The following RAPH1 variants were observed in gnomAD, a reference collection of about 807,000 sequenced individuals.
The protein encoded by RAPH1 is Ras association (RalGDS/AF-6) and pleckstrin homology domains 1, also known as ras-associated and pleckstrin homology domains-containing protein 1.
RAPH1 carries 18 observed loss-of-function variants against 88.1 expected under a neutral mutation model. The observed-to-expected ratio is 0.20, with a 90% CI of 0.14 to 0.30. RAPH1 has a LOEUF of 0.30. Among genes scored for constraint, RAPH1 ranks in the 10% least tolerant of loss-of-function variants. The pLI is 1.00. For synonymous variants in RAPH1, 587 were observed against 559.0 expected (o/e 1.05, Z -0.71); for missense variants, 1,448 against 1,543.2 (o/e 0.94, Z 1.03).
Position 203,438,090 on chromosome 2 carries a change from C to T in RAPH1, c.*1347G>A, listed in dbSNP as rs773067346. The T allele has an allele frequency of 7.8e-6, 4 of 514,756 alleles. No homozygotes were observed. Among genetic ancestry groups the T allele is most frequent in the South Asian group, 2.8e-5 (2 of 70,282 alleles). The allele number at this position is 514,756 out of a possible 1,614,324, so 31.9% of individuals were successfully genotyped here. ...TATACCAAACTGCACACGCATAAAA[C>T]GTAATGTCAGTTACTGGACTTGGAC... On this transcript the variant is annotated 3_prime_UTR_variant, in exon 14 of 14. Coordinates refer to ENST00000319170, the MANE Select transcript of RAPH1 (RefSeq NM_213589.3).
intron 4 of RAPH1, among the ~76,000 whole-genome samples, chr2:203,486,312 T>C (rs1403851910): frequency 2.6e-5 from 4 of 152,096 alleles, no homozygotes; most frequent in Admixed American, 6.5e-5. Context: ...CACAAGAGTA[T>C]ATGGAGGTTA....
At chr2:203,442,108 T>C (rs1315643988) in intron 13 of RAPH1, 7 of 1,582,658 alleles carry the variant, frequency 4.4e-6, no homozygotes, top group Non-Finnish European at 6.0e-6. Context: ...AAATGCTTTG[T>C]AAACATTATA....
At chr2:203,493,993 AAAAAAG>A in intron 2 of RAPH1, among the ~76,000 whole-genome samples, 1 of 150,010 alleles carries the variant, frequency 6.7e-6, no homozygotes, top group African/African-American at 2.4e-5. Flanking sequence ...AAAAAAAAAA[AAAAAAG>A]AAAAAAGAAA....
rs2098499623 is a variant in RAPH1, at chr2:203,437,714, TAC to T, written c.*1721_*1722del. On this transcript the variant is annotated 3_prime_UTR_variant, in exon 14 of 14. Coordinates refer to ENST00000319170, the MANE Select transcript of RAPH1 (RefSeq NM_213589.3). ...TGTGGGTTATGCAAGACCTTGAGTA[TAC>T]TGTACTAATTAAGCACTTTTGCTCA... 5.8e-6 allele frequency: 1 copy of T among 171,080 alleles called. No individual in the cohort carries two copies. The highest frequency in any genetic ancestry group is 6.2e-5 in the Admixed American group (1 of 16,234). The allele number at this position is 171,080 out of a possible 1,614,324, so 10.6% of individuals were successfully genotyped here.
chr2:203,496,118 G>T (rs1357126668), intron 1 of RAPH1, among the ~76,000 whole-genome samples: 1 of 152,224 alleles, frequency 6.6e-6, no homozygotes, highest in Non-Finnish European at 1.5e-5. Flanking sequence ...AGCACTTTGG[G>T]AGGCCGAGGC....
In RAPH1 at chr2:203,501,541, G is replaced by A. The variant is rs1210038566; in HGVS notation, c.1-6188C>T. ...TAGCAACTTTGGGAGGCCAAGGCGG[G>A]CAGACTGCTTGAGCCCAGGAGTTTG... On this transcript the variant is annotated intron_variant, in intron 1 of 13. Coordinates refer to ENST00000319170, the MANE Select transcript of RAPH1 (RefSeq NM_213589.3). Among the ~76,000 whole-genome samples, 6 of 152,198 alleles carry A rather than the reference G, an allele frequency of 3.9e-5. No individual in the cohort carries two copies. In the East Asian group the frequency reaches 1.2e-3, roughly 29 times the overall value.
intron 7 of RAPH1, among the ~76,000 whole-genome samples, chr2:203,458,770 C>T (rs1039773647): frequency 6.8e-6 from 1 of 146,426 alleles, no homozygotes. Flanking sequence ...TTCTTTTTCT[C>T]TTTTTTTTTT....
intron 2 of RAPH1, 42 bp downstream of exon 2, chr2:203,495,192 G>T (rs1559486279): frequency 6.2e-7 from 1 of 1,610,440 alleles, no homozygotes; most frequent in East Asian, 2.2e-5. Context: ...TTAACACAAT[G>T]GTGACTTCAA....
At chr2:203,518,539 C>A (rs77586121) in intron 1 of RAPH1, among the ~76,000 whole-genome samples, 6 of 146,636 alleles carry the variant, frequency 4.1e-5, no homozygotes, top group East Asian at 2.0e-4. Flanking sequence ...AACAAAAAAA[C>A]AAAAAAAAAA....
intron 1 of RAPH1, among the ~76,000 whole-genome samples, chr2:203,500,283 T>C (rs114576303): frequency 6.6e-6 from 1 of 152,102 alleles, no homozygotes; most frequent in African/African-American, 2.4e-5. Flanking sequence ...AGAGTGAATA[T>C]GTAAGAGAAA....
Position 203,436,409 on chromosome 2 carries a change from G to C in RAPH1, c.*3028C>G, listed in dbSNP as rs965868561. 2 of 152,168 alleles carry C rather than the reference G, an allele frequency of 1.3e-5. No individual in the cohort carries two copies. The highest frequency in any genetic ancestry group is 2.9e-5 in the Non-Finnish European group (2 of 68,040). 9.4% of individuals were successfully genotyped at this position (152,168 alleles called of 1,614,324 possible). A position where few individuals can be genotyped will look rare whatever the true frequency, so the allele number is the denominator to read the frequency against. ...AATTACAGCGTCTAAGGGGGGGAAA[G>C]AAAGCATCTGAGCAGTAAAAGTCAA... is the stretch of plus-strand genomic sequence containing the variant. On this transcript the variant is annotated 3_prime_UTR_variant, in exon 14 of 14. Coordinates refer to ENST00000319170, the MANE Select transcript of RAPH1 (RefSeq NM_213589.3).
intron 10 of RAPH1, among the ~76,000 whole-genome samples, chr2:203,450,296 C>T (rs2098513742): frequency 6.6e-6 from 1 of 151,854 alleles, no homozygotes; most frequent in Non-Finnish European, 1.5e-5. Context: ...GCTCCTATAA[C>T]ATTTAATACC....
rs377160313 is a variant in RAPH1 at position 203,455,597 on chromosome 2, A to G, written c.1159-17T>C. The G allele has an allele frequency of 1.2e-5, 19 of 1,609,730 alleles. No homozygotes were observed. Among genetic ancestry groups the G allele is most frequent in the Non-Finnish European group, 1.5e-5 (18 of 1,177,638 alleles). On this transcript the variant is annotated splice_polypyrimidine_tract_variant and intron_variant, in intron 8 of 13. Transcript: ENST00000319170. ...AAAACATTCCTAAAATAACAAGATT[A>G]TTTGCAAAGACTTATGATCGTTGGA...
chr2:203,505,784 CG>C, intron 1 of RAPH1, among the ~76,000 whole-genome samples: 1 of 152,228 alleles, frequency 6.6e-6, no homozygotes, highest in Non-Finnish European at 1.5e-5. Flanking sequence ...AGCCACTCAG[CG>C]TGTAGTAATT....
chr2:203,523,664 T>G (rs552013665), intron 1 of RAPH1, among the ~76,000 whole-genome samples: 1 of 152,198 alleles, frequency 6.6e-6, no homozygotes, highest in African/African-American at 2.4e-5. Context: ...AAATTGGTAA[T>G]TTTGATGAAG....
At chr2:203,520,370 G>C (rs190067721) in intron 1 of RAPH1, among the ~76,000 whole-genome samples, 115 of 151,038 alleles carry the variant, frequency 7.6e-4, no homozygotes, top group African/African-American at 2.7e-3. Context: ...GCTCATGTCT[G>C]TAATCCCAGC....
Position 203,489,907 on chromosome 2 carries a change from A to G in RAPH1, c.409T>C (p.Ser137Pro). The G allele has an allele frequency of 6.2e-7, 1 of 1,614,216 alleles. No individual in the cohort carries two copies. Among genetic ancestry groups the G allele is most frequent in the Non-Finnish European group, 8.5e-7 (1 of 1,180,042 alleles). The change falls in exon 4 of 14, where the codon TCT becomes CCT. Residue 137 changes from serine (S) to proline (P), a missense_variant. By Grantham distance (74) the Ser-to-Pro change is moderately conservative (BLOSUM62 -1). This residue lies in a region of RAPH1 where 513 missense variants were observed against 653.1 expected (regional missense o/e 0.79). Coordinates refer to ENST00000319170, the MANE Select transcript of RAPH1 (RefSeq NM_213589.3). ...TLKHGTLKGL[S>P]SSSNRIAKPS... ...TTAGCTATCCTATTAGATGAAGAAG[A>G]TAATCCTTTCAAGGTGCCATGTTTC...
intron 1 of RAPH1, among the ~76,000 whole-genome samples, chr2:203,513,971 A>G (rs1432888499): frequency 6.6e-6 from 1 of 151,820 alleles, no homozygotes; most frequent in East Asian, 2.0e-4. Context: ...GAGCCTCCAG[A>G]GTGGCTGGGA....
intron 2 of RAPH1, among the ~76,000 whole-genome samples, chr2:203,493,864 G>A (rs1482460379): frequency 1.3e-5 from 2 of 151,206 alleles, no homozygotes; most frequent in African/African-American, 4.9e-5. Flanking sequence ...CCAGCTACCT[G>A]GGAGGCTGAG....
Sources: allele counts gnomAD v4.1 joint callset (sites outside exome capture counted in the v4.1 genomes callset), GRCh38; gene constraint gnomAD v4.1.1; regional missense constraint gnomAD v4.1.1; transcripts MANE v1.5; gene names NCBI Gene and HGNC (gene_info 2026-07-23, HGNC 2026-07-21).